SLC35E1: variants seen among roughly 807,000 people sequenced by gnomAD.
SLC35E1 encodes the protein solute carrier family 35, member E1.
SLC35E1 carries 12 observed loss-of-function variants against 31.0 expected under a neutral mutation model. That is an observed-to-expected ratio of 0.39 (90% CI 0.25 to 0.63). SLC35E1 has a LOEUF of 0.63. Ranked by LOEUF, SLC35E1 falls within the 20% of genes least tolerant of loss-of-function variation. SLC35E1 has a pLI of 0.52. For missense variants in SLC35E1, 429 were observed against 572.2 expected (o/e 0.75, Z 2.55); for synonymous variants, 257 against 264.1 (o/e 0.97, Z 0.26).
At chr19:16,561,708 C>T (rs1242861300) in intron 4 of SLC35E1, among the ~76,000 whole-genome samples, 1 of 152,214 alleles carries the variant, frequency 6.6e-6, no homozygotes, top group African/African-American at 2.4e-5. Flanking sequence ...ATCCTCTTCC[C>T]GCCTGTTCTG....
intron 5 of SLC35E1, 49 bp from the exon 6 acceptor site, chr19:16,553,958 G>T (rs752054291): frequency 1.2e-5 from 18 of 1,481,120 alleles, no homozygotes; most frequent in Non-Finnish European, 1.6e-5. Flanking sequence ...GGGCATAAGA[G>T]CTCGTAATTC....
Position 16,571,518 on chromosome 19 carries a change from G to A in SLC35E1, c.486C>T (p.Ser162=), listed in dbSNP as rs944747722. The stretch of plus-strand genomic sequence containing the variant: ...AGTCCCTGCCCGGGGTTACCTTGGT[G>A]CTCTGCTTCTCCTTCATAATGATCC... The part of the protein sequence containing the change: ...LSRIIMKEKQ[S]TKVYLSLIPI... Residue 162 remains serine, a synonymous_variant, in exon 2 of 6, where the codon AGC becomes AGT. Transcript: ENST00000595753. The A allele has an allele frequency of 1.2e-6, 2 of 1,613,812 alleles. No homozygotes were observed. The highest frequency in any genetic ancestry group is 1.3e-5 in the African/African-American group (1 of 74,914).
intron 4 of SLC35E1, among the ~76,000 whole-genome samples, chr19:16,562,556 CAAT>C (rs2085912215): frequency 6.6e-6 from 1 of 152,182 alleles, no homozygotes; most frequent in African/African-American, 2.4e-5. Context: ...ATCCCTAATA[CAAT>C]AAAACTGCTA....
Position 16,566,635 on chromosome 19 carries a change from T to A in SLC35E1, c.653A>T (p.His218Leu), listed in dbSNP as rs2085933972. ...SKKVLRDSRI[H>L]HLRLLNILGC... ...CAGGATGTTGAGCAGCCGGAGATGG[T>A]GGATCCGTGAATCTCGCAAGACCTG... Residue 218 changes from histidine (H) to leucine (L), a missense_variant, in exon 4 of 6, where the codon CAC becomes CTC. His to Leu is a moderately conservative substitution (Grantham distance 99). Transcript: ENST00000595753. 6.2e-7 allele frequency: 1 copy of A among 1,612,288 alleles called. No individual in the cohort carries two copies. Among genetic ancestry groups the A allele is most frequent in the Non-Finnish European group, 8.5e-7 (1 of 1,179,948 alleles).
chr19:16,566,222 T>A, intron 4 of SLC35E1: 1 of 231,532 alleles, frequency 4.3e-6, no homozygotes, highest in African/African-American at 2.3e-5. Flanking sequence ...AAAAAGTCAA[T>A]GTGCTATCTG....
Position 16,571,508 on chromosome 19 carries a change from T to C in SLC35E1, c.492+4A>G. On this transcript the variant is annotated splice_donor_region_variant and intron_variant, in intron 2 of 5. Transcript: ENST00000595753. ...ATCTGCCCAGAGTCCCTGCCCGGGGTTACCTTGGTGCTCTGCTTCTCCTTC... is the reference window on the plus strand; with the variant it reads ...ATCTGCCCAGAGTCCCTGCCCGGGGCTACCTTGGTGCTCTGCTTCTCCTTC... 1 of 1,613,402 alleles carries C rather than the reference T, an allele frequency of 6.2e-7. No homozygotes were observed. Among genetic ancestry groups the C allele is most frequent in the South Asian group, 1.1e-5 (1 of 91,030 alleles).
At chr19:16,553,993 G>A (rs981000345) in intron 5 of SLC35E1, 84 bp from the exon 6 acceptor site, 14 of 1,245,422 alleles carry the variant, frequency 1.1e-5, no homozygotes, top group Admixed American at 7.8e-5. Flanking sequence ...GGCTGGCTGC[G>A]GTGGCTCACA....
intron 4 of SLC35E1, chr19:16,556,820 A>G (rs960712513): frequency 8.5e-6 from 4 of 470,278 alleles, no homozygotes; most frequent in African/African-American, 8.0e-5. Flanking sequence ...ACTCCAAGAG[A>G]GAAGGATCAC....
rs1036482002 is a variant in SLC35E1, at chr19:16,572,348, A to C, written c.17T>G (p.Val6Gly). The change falls in exon 1 of 6, where the codon GTG becomes GGG. Residue 6 changes from valine to glycine, a missense_variant. Physicochemically the swap from Val to Gly is moderately radical, Grantham distance 109 (BLOSUM62 -3). Transcript: ENST00000595753. The surrounding 1 kb of genome is among the most constrained non-coding windows in gnomAD (Gnocchi z 4.1). MAAAAVGAGHGAGGPG... is the reference protein window; with the variant it reads MAAAAGGAGHGAGGPG... ...GCCCCCCGCGCCGTGGCCCGCGCCC[A>C]CCGCGGCCGCCGCCATCCTGCCCGA... 9.6e-7 allele frequency: 1 copy of C among 1,045,158 alleles called. No individual in the cohort carries two copies. The highest frequency in any genetic ancestry group is 4.4e-5 in the South Asian group (1 of 22,708). The allele number at this position is 1,045,158 out of a possible 1,614,324, so 64.7% of individuals were successfully genotyped here. A position where few individuals can be genotyped will look rare whatever the true frequency, so the allele number is the denominator to read the frequency against.
rs1288867280 is a variant in SLC35E1, at chr19:16,553,810, G to T, written c.1102C>A (p.Pro368Thr). 6.2e-7 allele frequency: 1 copy of T among 1,614,086 alleles called. No homozygotes were observed. Among genetic ancestry groups the T allele is most frequent in the South Asian group, 1.1e-5 (1 of 91,078 alleles). The change falls in exon 6 of 6, where the codon CCC becomes ACC. Residue 368 changes from proline to threonine, a missense_variant. By Grantham distance (38) the Pro-to-Thr change is conservative. Coordinates refer to ENST00000595753, the MANE Select transcript of SLC35E1 (RefSeq NM_024881.5). ...KERHRSPLEK[P>T]HNGLLFPQHG... ...TGGGGGAAGAGGAGGCCGTTGTGGG[G>T]CTTCTCCAGTGGGCTCCGGTGACGC...
chr19:16,563,284 A>AT (rs2085916207), intron 4 of SLC35E1, among the ~76,000 whole-genome samples: 1 of 151,982 alleles, frequency 6.6e-6, no homozygotes, highest in South Asian at 2.1e-4. Context: ...AGAACATGCC[A>AT]TTGCATTCTA....
At chr19:16,565,122 G>C (rs760138684) in intron 4 of SLC35E1, 2 of 456,546 alleles carry the variant, frequency 4.4e-6, no homozygotes, top group Non-Finnish European at 8.8e-6. Context: ...CACATTCTCT[G>C]AAGGCAGACC....
chr19:16,551,509 G>C lies in SLC35E1; in HGVS notation c.*2170C>G, dbSNP rs773119662. 1 of 152,144 alleles carries C rather than the reference G, an allele frequency of 6.6e-6. No homozygotes were observed. The highest frequency in any genetic ancestry group is 2.4e-5 in the African/African-American group (1 of 41,438). 9.4% of individuals were successfully genotyped at this position (152,144 alleles called of 1,614,324 possible). ...ACATCTCGCTCGCTGGGAGATAAAA[G>C]GTAAATCTCTCATTTGCTGCTCTCT... On this transcript the variant is annotated 3_prime_UTR_variant, in exon 6 of 6. Coordinates refer to ENST00000595753, the MANE Select transcript of SLC35E1 (RefSeq NM_024881.5).
chr19:16,550,811 G>C lies in SLC35E1; in HGVS notation c.*2868C>G, dbSNP rs1361495397. 6 of 152,184 alleles carry C rather than the reference G, an allele frequency of 3.9e-5. No individual in the cohort carries two copies. Among genetic ancestry groups the C allele is most frequent in the African/African-American group, 1.4e-4 (6 of 41,426 alleles). The allele number at this position is 152,184 out of a possible 1,614,324, so 9.4% of individuals were successfully genotyped here. A position where few individuals can be genotyped will look rare whatever the true frequency, so the allele number is the denominator to read the frequency against. The stretch of plus-strand genomic sequence containing the variant: ...TTGATCTGCTGATTTGGTGTAACGT[G>C]ATTGCCTCATTCATTCCAGTGTACG... On this transcript the variant is annotated 3_prime_UTR_variant, in exon 6 of 6. Transcript: ENST00000595753.
chr19:16,571,566 G>A lies in SLC35E1; in HGVS notation c.438C>T (p.Pro146=), dbSNP rs1308024338. ...TCCGGGACAGGAGGACCACCCAGAT[G>A]GGCATGGTGGCCTTGACTGCAAAGA... ...SYAHTVKATM[P]IWVVLLSRII... Residue 146 remains proline (P), a synonymous_variant, in exon 2 of 6, where the codon CCC becomes CCT. Transcript: ENST00000595753. 1.9e-6 allele frequency: 3 copies of A among 1,613,818 alleles called. No homozygotes were observed. The highest frequency in any genetic ancestry group is 2.5e-6 in the Non-Finnish European group (3 of 1,179,966).
At chr19:16,564,438 T>C (rs1437588478) in intron 4 of SLC35E1, among the ~76,000 whole-genome samples, 1 of 152,148 alleles carries the variant, frequency 6.6e-6, no homozygotes, top group Non-Finnish European at 1.5e-5. Flanking sequence ...CCTGAGTAGC[T>C]GGGATTACAG....
At chr19:16,564,082 G>A (rs775523755) in intron 4 of SLC35E1, 10 of 152,188 alleles carry the variant, frequency 6.6e-5, no homozygotes, top group Non-Finnish European at 1.5e-4. Context: ...TAACAACAAT[G>A]ACCACCCAGC....
In SLC35E1 at chr19:16,550,952, T is replaced by G. The variant is rs916053207; in HGVS notation, c.*2727A>C. The G allele has an allele frequency of 2.0e-5, 3 of 152,052 alleles. No individual in the cohort carries two copies. The highest frequency in any genetic ancestry group is 4.4e-5 in the Non-Finnish European group (3 of 68,008). 9.4% of individuals were successfully genotyped at this position (152,052 alleles called of 1,614,324 possible). A position where few individuals can be genotyped will look rare whatever the true frequency, so the allele number is the denominator to read the frequency against. ...CAGATCTTGCATTGGAAAAGGAAAA[T>G]AATATACAAATTTCAGCAACTTCAG... On this transcript the variant is annotated 3_prime_UTR_variant, in exon 6 of 6. Coordinates refer to ENST00000595753, the MANE Select transcript of SLC35E1 (RefSeq NM_024881.5).
chr19:16,571,179 G>T (rs1205532305), intron 2 of SLC35E1, among the ~76,000 whole-genome samples: 1 of 151,962 alleles, frequency 6.6e-6, no homozygotes, highest in Non-Finnish European at 1.5e-5. Context: ...GCCACACATG[G>T]GGTGTATGGC....
Sources: allele counts gnomAD v4.1 joint callset (sites outside exome capture counted in the v4.1 genomes callset), GRCh38; gene constraint gnomAD v4.1.1; non-coding constraint Gnocchi (gnomAD v3.1); transcripts MANE v1.5; gene names NCBI Gene and HGNC (gene_info 2026-07-23, HGNC 2026-07-21).